Variants in ENTPD7 observed in about 807,000 individuals in gnomAD.
ENTPD7 encodes ectonucleoside triphosphate diphosphohydrolase 7.
In ENTPD7, 53 loss-of-function variants were observed where a neutral mutation model predicts 77.9. That is an observed-to-expected ratio of 0.68 (90% CI 0.55 to 0.85). ENTPD7 has a LOEUF of 0.85. Ranked by LOEUF, ENTPD7 falls within the 40% of genes least tolerant of loss-of-function variation. The pLI, the probability that ENTPD7 is intolerant of heterozygous loss-of-function variation, is 0.00. For missense variants in ENTPD7, 636 were observed against 743.7 expected, an observed-to-expected ratio of 0.86 and a Z score of 1.68; for synonymous variants, 248 against 274.9, an observed-to-expected ratio of 0.90 and a Z score of 0.97.
Position 99,660,403 on chromosome 10 carries a change from TA to T in ENTPD7, c.8+445del, listed in dbSNP as rs78669049. The T allele has an allele frequency of 0.015, 16,930 of 1,134,408 alleles. 1,002 individuals are homozygous for T. The East Asian group carries it at 0.3, about 20-fold the overall frequency. 70.3% of individuals were successfully genotyped at this position (1,134,408 alleles called of 1,614,324 possible). Reference sequence around the variant, plus strand: ...ATACATTATAATAACCTGAAGCTTTTAAAAAATATTAATGTGGATCTACATG... The same window carrying T: ...ATACATTATAATAACCTGAAGCTTTTAAAAATATTAATGTGGATCTACATG... On this transcript the variant is annotated intron_variant, in intron 2 of 12. Transcript: ENST00000370489.
At chr10:99,665,975 T>C (rs1413919488) in intron 3 of ENTPD7, among the ~76,000 whole-genome samples, 1 of 152,242 alleles carries the variant, frequency 6.6e-6, no homozygotes, top group Non-Finnish European at 1.5e-5. Context: ...TGGAATTTTC[T>C]TGACAGACCT....
chr10:99,698,818 G>T lies in ENTPD7; in HGVS notation c.1295G>T (p.Gly432Val), dbSNP rs752266858. 2 of 1,610,922 alleles carry T rather than the reference G, an allele frequency of 1.2e-6. No homozygotes were observed. The highest frequency in any genetic ancestry group is 1.3e-5 in the African/African-American group (1 of 74,932). ...FYCTEDVLRI[G>V]GRYHGPTFAK... ...TGTACAGAGGATGTGTTGCGCATTG[G>T]TGGCCGCTACCATGGGCCAACATTT... The change falls in exon 10 of 13, where the codon GGT becomes GTT. Residue 432 changes from glycine to valine, a missense_variant. Gly to Val is a moderately radical substitution (Grantham distance 109, BLOSUM62 -3). Coordinates refer to ENST00000370489, the MANE Select transcript of ENTPD7 (RefSeq NM_020354.5).
chr10:99,679,420 G>A lies in ENTPD7; in HGVS notation c.351G>A (p.Gln117=). Residue 117 remains glutamine, a synonymous_variant, in exon 4 of 13, where the codon CAG becomes CAA. Coordinates refer to ENST00000370489, the MANE Select transcript of ENTPD7 (RefSeq NM_020354.5). ...CCCATGACTTGCTGGACATCAAACA[G>A]ATGAGAGACCGCAACAGCCAACCAG... ...GNPHDLLDIK[Q]MRDRNSQPVV... The A allele has an allele frequency of 6.2e-7, 1 of 1,614,154 alleles. No homozygotes were observed. The highest frequency in any genetic ancestry group is 1.1e-5 in the South Asian group (1 of 91,074).
chr10:99,674,426 C>T (rs1030639802), intron 3 of ENTPD7, among the ~76,000 whole-genome samples: 1 of 152,136 alleles, frequency 6.6e-6, no homozygotes, highest in Non-Finnish European at 1.5e-5. Context: ...TTTCATCTTG[C>T]AGATCATAAC....
In ENTPD7 at chr10:99,695,930, CT is replaced by C. The variant is rs545985868; in HGVS notation, c.844-21del. 2,157 of 1,572,108 alleles carry C rather than the reference CT, an allele frequency of 1.4e-3. 2 individuals carry two copies. Among genetic ancestry groups the C allele is most frequent in the Non-Finnish European group, 1.7e-3 (1,992 of 1,160,386 alleles). ...AGAAGGCAACCAAAACTAAAATTCC[CT>C]TTTTCTCTTGGTATTGTATTATAGG... On this transcript the variant is annotated intron_variant, in intron 8 of 12. Coordinates refer to ENST00000370489, the MANE Select transcript of ENTPD7 (RefSeq NM_020354.5).
intron 8 of ENTPD7, among the ~76,000 whole-genome samples, chr10:99,691,729 T>A (rs1411217366): frequency 6.6e-6 from 1 of 152,152 alleles, no homozygotes; most frequent in Non-Finnish European, 1.5e-5. Context: ...CATAAAGTTA[T>A]GAGGATGAAA....
chr10:99,670,216 A>G (rs1172525653), intron 3 of ENTPD7, among the ~76,000 whole-genome samples: 2 of 152,232 alleles, frequency 1.3e-5, no homozygotes, highest in East Asian at 1.9e-4. Flanking sequence ...GGTAGTCACT[A>G]CCCACAAGTG....
At chr10:99,661,306 T>C in intron 2 of ENTPD7, 140 bp from the exon 3 acceptor site, 1 of 671,972 alleles carries the variant, frequency 1.5e-6, no homozygotes. Flanking sequence ...TCTTCTAAAA[T>C]TAGAGATGAC....
At chr10:99,683,124 T>C (rs1026400569) in intron 5 of ENTPD7, among the ~76,000 whole-genome samples, 2 of 152,188 alleles carry the variant, frequency 1.3e-5, no homozygotes, top group East Asian at 3.8e-4. Flanking sequence ...CCTTTTTTTT[T>C]TCTCTTTCAA....
chr10:99,679,626 TAGGACCTTG>T, intron 4 of ENTPD7, 90 bp from the exon 5 acceptor site: 1 of 1,480,388 alleles, frequency 6.8e-7, no homozygotes, highest in East Asian at 2.3e-5. Flanking sequence ...AATAAATGTT[TAGGACCTTG>T]AGGAGAACTT....
Position 99,698,541 on chromosome 10 carries a change from G to A in ENTPD7, c.1018G>A (p.Gly340Ser). The part of the protein sequence containing the change: ...NETLNKNRLL[G>S]QKTGLSPDNP... ...TTTTTGTCATTGTGGCAGATTGCTT[G>A]GTCAGAAGACAGGTCTGAGTCCCGA... Residue 340 changes from glycine to serine, a missense_variant, in exon 10 of 13, where the codon GGT (glycine) becomes AGT (serine). Physicochemically the swap from Gly to Ser is moderately conservative, Grantham distance 56. Coordinates refer to ENST00000370489, the MANE Select transcript of ENTPD7 (RefSeq NM_020354.5). 6.2e-7 allele frequency: 1 copy of A among 1,613,064 alleles called. No individual in the cohort carries two copies. The highest frequency in any genetic ancestry group is 8.5e-7 in the Non-Finnish European group (1 of 1,179,276).
chr10:99,695,552 A>T (rs1244029478), intron 8 of ENTPD7, among the ~76,000 whole-genome samples: 2 of 152,016 alleles, frequency 1.3e-5, no homozygotes, highest in African/African-American at 4.8e-5. Flanking sequence ...AGAAAAGGCC[A>T]CAGAATAGAT....
At chr10:99,688,815 A>C (rs2035845119) in intron 7 of ENTPD7, 65 bp downstream of exon 7, 23 of 1,482,064 alleles carry the variant, frequency 1.6e-5, no homozygotes. Flanking sequence ...ATAACCTATC[A>C]GTAGCATGTA....
At chr10:99,660,298 A>G in intron 2 of ENTPD7, 3 of 985,406 alleles carry the variant, frequency 3.0e-6, no homozygotes, top group Non-Finnish European at 3.6e-6. Context: ...TTTTGTTTGC[A>G]GTGAACTTTA....
At chr10:99,681,389 C>T (rs1303309752) in intron 5 of ENTPD7, among the ~76,000 whole-genome samples, 5 of 152,036 alleles carry the variant, frequency 3.3e-5, no homozygotes, top group Non-Finnish European at 5.9e-5. Context: ...GGTGATTCTC[C>T]CACCTCAGCC....
At position 99,709,887 on chromosome 10, in the gene ENTPD7, T is replaced by C; in HGVS notation, c.*5204T>C. ...ACACCAGTTGACCATTTTGTTTCTCTGAAAATCTGAGCAATACGGAGATCC... is the reference window on the plus strand; with the variant it reads ...ACACCAGTTGACCATTTTGTTTCTCCGAAAATCTGAGCAATACGGAGATCC... On this transcript the variant is annotated 3_prime_UTR_variant, in exon 13 of 13. Transcript: ENST00000370489. 2 of 985,494 alleles carry C rather than the reference T, an allele frequency of 2.0e-6. No individual in the cohort carries two copies. The highest frequency in any genetic ancestry group is 2.4e-6 in the Non-Finnish European group (2 of 829,926). The allele number at this position is 985,494 out of a possible 1,614,324, so 61.0% of individuals were successfully genotyped here.
chr10:99,709,735 T>G lies in ENTPD7; in HGVS notation c.*5052T>G. The G allele has an allele frequency of 1.0e-6, 1 of 985,430 alleles. No homozygotes were observed. The highest frequency in any genetic ancestry group is 1.2e-6 in the Non-Finnish European group (1 of 829,904). The allele number at this position is 985,430 out of a possible 1,614,324, so 61.0% of individuals were successfully genotyped here. A position where few individuals can be genotyped will look rare whatever the true frequency, so the allele number is the denominator to read the frequency against. The stretch of plus-strand genomic sequence containing the variant: ...TTCAAGCTTCATTTTAAGCCTGCTC[T>G]GTCTACTTATCTTCCTTATATCCTA... On this transcript the variant is annotated 3_prime_UTR_variant, in exon 13 of 13. Transcript: ENST00000370489.
intron 2 of ENTPD7, 46 bp downstream of exon 2, chr10:99,660,010 G>A: frequency 6.2e-7 from 1 of 1,613,566 alleles, no homozygotes; most frequent in African/African-American, 1.3e-5. Context: ...GGCAGAGGAT[G>A]GCAGGCAGGT....
Position 99,704,772 on chromosome 10 carries a change from A to G in ENTPD7, c.*89A>G, listed in dbSNP as rs1175842254. On this transcript the variant is annotated 3_prime_UTR_variant, in exon 13 of 13. Transcript: ENST00000370489. The stretch of plus-strand genomic sequence containing the variant: ...TTCTTATATAGCCTCAGATGCTGTG[A>G]TGTCTGACCTTGTGGATATTTGCCC... 8.4e-7 allele frequency: 1 copy of G among 1,189,362 alleles called. No individual in the cohort carries two copies. Among genetic ancestry groups the G allele is most frequent in the African/African-American group, 1.5e-5 (1 of 65,194 alleles). The allele number at this position is 1,189,362 out of a possible 1,614,324, so 73.7% of individuals were successfully genotyped here.
Sources: gnomAD v4.1 joint callset for allele counts (sites outside exome capture counted in the v4.1 genomes callset) on GRCh38, gnomAD v4.1.1 for gene constraint, MANE v1.5 for transcripts, NCBI Gene and HGNC (gene_info 2026-07-23, HGNC 2026-07-21) for gene names.